CLSTN3: variants seen among roughly 807,000 people sequenced by gnomAD.
CLSTN3 encodes the protein calsyntenin-3.
Under a neutral mutation model 95.9 loss-of-function variants are expected in CLSTN3, and 36 were observed. The observed-to-expected ratio is 0.38, with a 90% CI of 0.29 to 0.50. CLSTN3 has a LOEUF of 0.50. Ranked by LOEUF, CLSTN3 falls within the 20% of genes least tolerant of loss-of-function variation. The probability of loss-of-function intolerance (pLI) is 0.95; values close to 1 mark genes in which losing one functional copy is unlikely to be tolerated. For missense variants in CLSTN3, 1,084 were observed against 1,268.8 expected (o/e 0.85, Z 2.21); for synonymous variants, 481 against 504.0 (o/e 0.95, Z 0.61).
chr12:7,133,779 C>G lies in CLSTN3; in HGVS notation c.383+11C>G, dbSNP rs778337212. 6.5e-6 allele frequency: 10 copies of G among 1,548,970 alleles called. No homozygotes were observed. In the African/African-American group the frequency reaches 1.2e-4, roughly 19 times the overall value. On this transcript the variant is annotated intron_variant, in intron 3 of 17. Coordinates refer to ENST00000266546, the MANE Select transcript of CLSTN3 (RefSeq NM_014718.4). This position sits in a 1 kb window ranked among gnomAD's most constrained non-coding sequence, Gnocchi z 4.7. ...CAAGAAGTCCCACAAGTGAGGAAGT[C>G]CTTGTCTCCTGCCCCATGTGTTGCA...
At position 7,136,926 on chromosome 12, in the gene CLSTN3, G is replaced by A. The variant is rs757410687; in HGVS notation, c.1026G>A (p.Leu342=). 6.2e-7 allele frequency: 1 copy of A among 1,614,184 alleles called. No homozygotes were observed. The highest frequency in any genetic ancestry group is 1.1e-5 in the South Asian group (1 of 91,072). ...LSVHYSQDSS[L]IYWFNGTQAV... ...TGCACTACAGCCAGGACAGCAGCCT[G>A]ATCTACTGGTTCAATGGCACCCAGG... is the stretch of plus-strand genomic sequence containing the variant. Residue 342 remains leucine (L), a synonymous_variant, in exon 7 of 18, where the codon CTG becomes CTA. Coordinates refer to ENST00000266546, the MANE Select transcript of CLSTN3 (RefSeq NM_014718.4).
chr12:7,155,005 T>C (rs1012478996), intron 16 of CLSTN3, among the ~76,000 whole-genome samples: 1 of 152,134 alleles, frequency 6.6e-6, no homozygotes, highest in East Asian at 1.9e-4. Flanking sequence ...CCAAACGCTA[T>C]TTCATGAAAA....
At position 7,135,861 on chromosome 12, in the gene CLSTN3, C is replaced by T. The variant is rs750239803; in HGVS notation, c.650C>T (p.Thr217Ile). The T allele has an allele frequency of 1.1e-5, 17 of 1,613,844 alleles. No individual in the cohort carries two copies. In the Admixed American group the frequency reaches 2.8e-4, roughly 27 times the overall value. The change falls in exon 5 of 18, where the codon ACA becomes ATA. Residue 217 changes from threonine (T) to isoleucine (I), a missense_variant. Transcript: ENST00000266546. ...QYSGERLYKF[T>I]VTAYDCGKKR... is the part of the protein sequence containing the mutation. ...AGTGGTGAGAGGCTCTATAAGTTTA[C>T]AGTGACAGCTTATGACTGTGGGAAG...
chr12:7,152,024 A>T (rs1025615599), intron 16 of CLSTN3, among the ~76,000 whole-genome samples: 3 of 149,886 alleles, frequency 2.0e-5, no homozygotes, highest in African/African-American at 7.3e-5. Context: ...ACTGCACTCC[A>T]GTCTGGGAGA....
chr12:7,148,862 C>T, intron 12 of CLSTN3, 110 bp from the exon 13 acceptor site: 1 of 896,492 alleles, frequency 1.1e-6, no homozygotes, highest in Non-Finnish European at 1.7e-6. Flanking sequence ...CCCTTCCTGA[C>T]ATGAGATGCT....
At chr12:7,135,748 C>A in intron 4 of CLSTN3, 56 bp from the exon 5 acceptor site, 2 of 1,546,182 alleles carry the variant, frequency 1.3e-6, no homozygotes, top group Non-Finnish European at 1.7e-6. Context: ...TCCTCCCCTC[C>A]CTGCCCTGGG....
Position 7,141,476 on chromosome 12 carries a change from A to C in CLSTN3, c.1486+72A>C. 2 of 1,530,490 alleles carry C rather than the reference A, an allele frequency of 1.3e-6. No homozygotes were observed. The highest frequency in any genetic ancestry group is 1.8e-6 in the Non-Finnish European group (2 of 1,106,572). The allele number at this position is 1,530,490 out of a possible 1,614,324, so 94.8% of individuals were successfully genotyped here. On this transcript the variant is annotated intron_variant, in intron 9 of 17. Coordinates refer to ENST00000266546, the MANE Select transcript of CLSTN3 (RefSeq NM_014718.4). The surrounding 1 kb of genome is among the most constrained non-coding windows in gnomAD (Gnocchi z 4.1). ...AGGTAGGCTGGTGAGGAGCAAGGGC[A>C]GTCTGACCCAGCAGCTGAGGCCGCC...
Position 7,133,778 on chromosome 12 carries a change from T to A in CLSTN3, c.383+10T>A, listed in dbSNP as rs1939352288. 2 of 1,549,208 alleles carry A rather than the reference T, an allele frequency of 1.3e-6. No individual in the cohort carries two copies. Among genetic ancestry groups the A allele is most frequent in the Non-Finnish European group, 1.7e-6 (2 of 1,150,226 alleles). On this transcript the variant is annotated intron_variant, in intron 3 of 17. Coordinates refer to ENST00000266546, the MANE Select transcript of CLSTN3 (RefSeq NM_014718.4). The surrounding 1 kb of genome is among the most constrained non-coding windows in gnomAD (Gnocchi z 4.7). Reference sequence around the variant, plus strand: ...CCAAGAAGTCCCACAAGTGAGGAAGTCCTTGTCTCCTGCCCCATGTGTTGC... The same window carrying A: ...CCAAGAAGTCCCACAAGTGAGGAAGACCTTGTCTCCTGCCCCATGTGTTGC...
At position 7,133,509 on chromosome 12, in the gene CLSTN3, G is replaced by T; in HGVS notation, c.188-64G>T. 2 of 1,516,664 alleles carry T rather than the reference G, an allele frequency of 1.3e-6. No homozygotes were observed. The highest frequency in any genetic ancestry group is 1.7e-5 in the Admixed American group (1 of 59,126). The allele number at this position is 1,516,664 out of a possible 1,614,324, so 94.0% of individuals were successfully genotyped here. A position where few individuals can be genotyped will look rare whatever the true frequency, so the allele number is the denominator to read the frequency against. On this transcript the variant is annotated intron_variant, in intron 2 of 17. Transcript: ENST00000266546. The surrounding 1 kb of genome is among the most constrained non-coding windows in gnomAD (Gnocchi z 4.7). ...GGAGAGGTGGAGCTGGACCCCAGGT[G>T]GGGAGACTGAGGGTGGGGAAGGAGA... is the stretch of plus-strand genomic sequence containing the variant.
rs1939341061 is a variant in CLSTN3, at chr12:7,133,273, A to G, written c.187+127A>G. On this transcript the variant is annotated intron_variant, in intron 2 of 17. Coordinates refer to ENST00000266546, the MANE Select transcript of CLSTN3 (RefSeq NM_014718.4). This position sits in a 1 kb window ranked among gnomAD's most constrained non-coding sequence, Gnocchi z 4.7. ...AGTAAGGGAAGATAAAAGTGGGCTC[A>G]AGGAGGGGAATGGTCTCCACTGAAG... 1.6e-6 allele frequency: 2 copies of G among 1,254,876 alleles called. No individual in the cohort carries two copies. The highest frequency in any genetic ancestry group is 1.5e-5 in the African/African-American group (1 of 67,750). 77.7% of individuals were successfully genotyped at this position (1,254,876 alleles called of 1,614,324 possible). A position where few individuals can be genotyped will look rare whatever the true frequency, so the allele number is the denominator to read the frequency against.
chr12:7,141,056 T>C lies in CLSTN3; in HGVS notation c.1324-186T>C, dbSNP rs745585969. Among the ~76,000 whole-genome samples the C allele has an allele frequency of 2.6e-5, 4 of 152,222 alleles. No individual in the cohort carries two copies. Among genetic ancestry groups the C allele is most frequent in the Admixed American group, 6.5e-5 (1 of 15,290 alleles). On this transcript the variant is annotated intron_variant, in intron 8 of 17. Coordinates refer to ENST00000266546, the MANE Select transcript of CLSTN3 (RefSeq NM_014718.4). The surrounding 1 kb of genome is among the most constrained non-coding windows in gnomAD (Gnocchi z 4.1). Reference sequence around the variant, plus strand: ...AATCTTTGCTACTAGGTTGGTTGCCTGATAGATTTTGGACAAGGATGTTAT... The same window carrying C: ...AATCTTTGCTACTAGGTTGGTTGCCCGATAGATTTTGGACAAGGATGTTAT...
In CLSTN3 at chr12:7,157,946, C is replaced by G. The variant is rs961236791; in HGVS notation, c.2736C>G (p.Tyr912Ter). ...LTIIVNPMES[Y>*]QNRQSCVTGA... The stretch of plus-strand genomic sequence containing the variant: ...TCTCTGTTCCTGCCCTCCAGTCCTA[C>G]CAGAATCGGCAGTCCTGTGTGACGG... Residue 912 changes from tyrosine to a stop codon, truncating the protein, a stop_gained, in exon 18 of 18, where the codon TAC becomes TAG. Transcript: ENST00000266546. LOFTEE classifies it high-confidence loss of function. The surrounding 1 kb of genome is among the most constrained non-coding windows in gnomAD (Gnocchi z 5.9). The G allele has an allele frequency of 1.0e-5, 16 of 1,550,890 alleles. No homozygotes were observed. In the Admixed American group the frequency reaches 2.7e-4, roughly 27 times the overall value.
chr12:7,133,572 G>A lies in CLSTN3; in HGVS notation c.188-1G>A. 1 of 1,613,962 alleles carries A rather than the reference G, an allele frequency of 6.2e-7. No individual in the cohort carries two copies. Among genetic ancestry groups the A allele is most frequent in the Non-Finnish European group, 8.5e-7 (1 of 1,179,968 alleles). Reference sequence around the variant, plus strand: ...ACTCCTCCCCTTCTCCCCTTTGCCAGGTGAGATCTGCGGCTTCCGGCTCCA... The same window carrying A: ...ACTCCTCCCCTTCTCCCCTTTGCCAAGTGAGATCTGCGGCTTCCGGCTCCA... On this transcript the variant is annotated splice_acceptor_variant, in intron 2 of 17. Coordinates refer to ENST00000266546, the MANE Select transcript of CLSTN3 (RefSeq NM_014718.4). LOFTEE classifies it high-confidence loss of function. The surrounding 1 kb of genome is among the most constrained non-coding windows in gnomAD (Gnocchi z 4.7).
intron 16 of CLSTN3, chr12:7,156,131 T>C (rs1366103640): frequency 5.4e-6 from 2 of 369,264 alleles, no homozygotes; most frequent in South Asian, 4.0e-5. Context: ...CACACATACA[T>C]GGAATAGTCC....
At chr12:7,144,774 C>T (rs1939594504) in intron 12 of CLSTN3, among the ~76,000 whole-genome samples, 1 of 152,146 alleles carries the variant, frequency 6.6e-6, no homozygotes, top group South Asian at 2.1e-4. Flanking sequence ...GGGGAGAGGG[C>T]TCTGAGCCCT....
chr12:7,132,255 A>T (rs1207198802), intron 1 of CLSTN3: 3 of 248,940 alleles, frequency 1.2e-5, no homozygotes, highest in Non-Finnish European at 2.4e-5. Context: ...CTTGTGGAGG[A>T]CATAGAAATG....
chr12:7,146,344 G>A (rs1939620977), intron 12 of CLSTN3, among the ~76,000 whole-genome samples: 1 of 152,066 alleles, frequency 6.6e-6, no homozygotes, highest in Non-Finnish European at 1.5e-5. Flanking sequence ...AGGCTGCAGT[G>A]AGTCATGATT....
Position 7,150,746 on chromosome 12 carries a change from T to A in CLSTN3, c.2391+57T>A. The A allele has an allele frequency of 6.3e-7, 1 of 1,593,794 alleles. No individual in the cohort carries two copies. Among genetic ancestry groups the A allele is most frequent in the Non-Finnish European group, 8.6e-7 (1 of 1,164,650 alleles). On this transcript the variant is annotated intron_variant, in intron 15 of 17. Transcript: ENST00000266546. The surrounding 1 kb of genome is among the most constrained non-coding windows in gnomAD (Gnocchi z 4.0). ...ACCCACCCCCAGAAAGGAGCTGAGG[T>A]GGCATGGACTCAAAATGTTAGTTGG...
chr12:7,141,229 C>G lies in CLSTN3; in HGVS notation c.1324-13C>G. On this transcript the variant is annotated splice_polypyrimidine_tract_variant and intron_variant, in intron 8 of 17. Coordinates refer to ENST00000266546, the MANE Select transcript of CLSTN3 (RefSeq NM_014718.4). The surrounding 1 kb of genome is among the most constrained non-coding windows in gnomAD (Gnocchi z 4.1). Reference sequence around the variant, plus strand: ...TTACCTGAGAGGCTCTTGCCCCTACCCTACTCTCCCAGGTCTGTGATGATG... The same window carrying G: ...TTACCTGAGAGGCTCTTGCCCCTACGCTACTCTCCCAGGTCTGTGATGATG... The G allele has an allele frequency of 6.2e-7, 1 of 1,612,328 alleles. No homozygotes were observed. Among genetic ancestry groups the G allele is most frequent in the Non-Finnish European group, 8.5e-7 (1 of 1,179,002 alleles).
Sources: gnomAD v4.1 joint callset for allele counts (sites outside exome capture counted in the v4.1 genomes callset) on GRCh38, gnomAD v4.1.1 for gene constraint, Gnocchi (gnomAD v3.1) non-coding constraint, MANE v1.5 for transcripts, NCBI Gene and HGNC (gene_info 2026-07-23, HGNC 2026-07-21) for gene names.